Variants in ZHX2 observed in about 807,000 individuals in gnomAD.
ZHX2 encodes zinc fingers and homeoboxes protein 2.
ZHX2 carries 6 observed loss-of-function variants against 21.9 expected under a neutral mutation model. The observed-to-expected ratio is 0.27, with a 90% CI of 0.15 to 0.54. ZHX2 has a LOEUF of 0.54. Among genes scored for constraint, ZHX2 ranks in the 20% least tolerant of loss-of-function variants. The pLI, the probability that ZHX2 is intolerant of heterozygous loss-of-function variation, is 0.95. For synonymous variants in ZHX2, 434 were observed against 437.1 expected, an observed-to-expected ratio of 0.99 and a Z score of 0.09; for missense variants, 908 against 1,090.7, an observed-to-expected ratio of 0.83 and a Z score of 2.36.
At chr8:122,872,659 A>G (rs1049075385) in intron 2 of ZHX2, among the ~76,000 whole-genome samples, 3 of 152,228 alleles carry the variant, frequency 2.0e-5, no homozygotes, top group African/African-American at 4.8e-5. Flanking sequence ...CGTAGATACC[A>G]ATACTTAAGT....
chr8:122,791,464 C>G (rs2130537114), intron 1 of ZHX2, among the ~76,000 whole-genome samples: 1 of 152,276 alleles, frequency 6.6e-6, no homozygotes, highest in East Asian at 1.9e-4. Context: ...CACTTTAGTT[C>G]CCCAAAGTCC....
At chr8:122,844,698 TCTCA>T (rs1342956953) in intron 1 of ZHX2, among the ~76,000 whole-genome samples, 1 of 152,154 alleles carries the variant, frequency 6.6e-6, no homozygotes, top group Non-Finnish European at 1.5e-5. Flanking sequence ...GACTACTATT[TCTCA>T]CTGAGTCTCT....
At chr8:122,874,903 C>T (rs1431017760) in intron 2 of ZHX2, among the ~76,000 whole-genome samples, 1 of 151,456 alleles carries the variant, frequency 6.6e-6, no homozygotes, top group Admixed American at 6.6e-5. Context: ...TGCCAGACCA[C>T]CTGGGTTTAT....
chr8:122,819,726 A>G (rs1375093406), intron 1 of ZHX2, among the ~76,000 whole-genome samples: 1 of 152,234 alleles, frequency 6.6e-6, no homozygotes, highest in Non-Finnish European at 1.5e-5. Flanking sequence ...GACAAAGTTG[A>G]CGAGAGCCCA....
intron 1 of ZHX2, among the ~76,000 whole-genome samples, chr8:122,831,921 T>G (rs955061620): frequency 3.9e-5 from 6 of 152,140 alleles, no homozygotes; most frequent in African/African-American, 1.4e-4. Context: ...TGGGAGGTGG[T>G]GCCTAGCGGG....
intron 2 of ZHX2, among the ~76,000 whole-genome samples, chr8:122,899,690 G>A (rs1311109347): frequency 6.6e-6 from 1 of 152,016 alleles, no homozygotes; most frequent in Admixed American, 6.6e-5. Context: ...CAATTCCACA[G>A]TCACACCTCA....
At chr8:122,821,880 T>G (rs1818160887) in intron 1 of ZHX2, among the ~76,000 whole-genome samples, 1 of 152,088 alleles carries the variant, frequency 6.6e-6, no homozygotes, top group Admixed American at 6.6e-5. Flanking sequence ...AATTTTTGTA[T>G]TTTTAGTAGA....
chr8:122,809,597 G>A lies in ZHX2; in HGVS notation c.-283+27651G>A, dbSNP rs558205316. On this transcript the variant is annotated intron_variant, in intron 1 of 3. Transcript: ENST00000314393. ...AAAACTCACTTCTGCATAATCCCAC[G>A]CTGGTATTTAGTTATGCCCACTGTG... Among the ~76,000 whole-genome samples, 121 of 152,280 alleles carry A rather than the reference G, an allele frequency of 7.9e-4. 3 individuals carry two copies. In the South Asian group the frequency reaches 0.024, roughly 31 times the overall value.
At chr8:122,925,937 G>C (rs1281665626) in intron 2 of ZHX2, among the ~76,000 whole-genome samples, 1 of 152,120 alleles carries the variant, frequency 6.6e-6, no homozygotes, top group Non-Finnish European at 1.5e-5. Flanking sequence ...GGACAGAGTG[G>C]GGGGGCACAC....
chr8:122,926,841 G>T (rs183938034), intron 2 of ZHX2, among the ~76,000 whole-genome samples: 5 of 152,028 alleles, frequency 3.3e-5, no homozygotes, highest in African/African-American at 1.2e-4. Context: ...CTGCTGTCAC[G>T]TGGCCTTCTG....
chr8:122,916,262 C>T (rs906014136), intron 2 of ZHX2, among the ~76,000 whole-genome samples: 1 of 152,248 alleles, frequency 6.6e-6, no homozygotes, highest in Admixed American at 6.5e-5. Flanking sequence ...TCATTCCTGG[C>T]TGCATCCCTG....
intron 2 of ZHX2, among the ~76,000 whole-genome samples, chr8:122,871,954 T>C (rs144396003): frequency 1.5e-3 from 230 of 152,284 alleles, no homozygotes; most frequent in African/African-American, 5.3e-3. Context: ...GATGTGTTCC[T>C]AAGGAGGAAG....
At chr8:122,902,126 C>T (rs867050684) in intron 2 of ZHX2, among the ~76,000 whole-genome samples, 1 of 152,122 alleles carries the variant, frequency 6.6e-6, no homozygotes, top group Non-Finnish European at 1.5e-5. Flanking sequence ...TTCATGGAAT[C>T]GGAAAGTAAC....
rs150777988 is a variant in ZHX2 at position 122,845,942 on chromosome 8, C to T, written c.-282-17535C>T. Among the ~76,000 whole-genome samples, 929 of 152,310 alleles carry T rather than the reference C, an allele frequency of 6.1e-3. 7 individuals carry two copies. Among genetic ancestry groups the T allele is most frequent in the Non-Finnish European group, 0.011 (725 of 68,022 alleles). The stretch of plus-strand genomic sequence containing the variant: ...GCCTTCAAAAGTTTAAGCGGGAGAG[C>T]GCTGCGACCTGATCCACATTTTTAG... On this transcript the variant is annotated intron_variant, in intron 1 of 3. Coordinates refer to ENST00000314393, the MANE Select transcript of ZHX2 (RefSeq NM_014943.5).
chr8:122,854,537 C>T (rs1818983542), intron 1 of ZHX2, among the ~76,000 whole-genome samples: 1 of 152,066 alleles, frequency 6.6e-6, no homozygotes, highest in African/African-American at 2.4e-5. Context: ...CCTTCCAGTC[C>T]CTCGACGCCT....
At chr8:122,916,650 A>G (rs1210764860) in intron 2 of ZHX2, among the ~76,000 whole-genome samples, 1 of 152,008 alleles carries the variant, frequency 6.6e-6, no homozygotes, top group Admixed American at 6.5e-5. Context: ...CCTTTTCTTT[A>G]AAAGCCCAAG....
intron 1 of ZHX2, among the ~76,000 whole-genome samples, chr8:122,832,601 G>T (rs1045029285): frequency 2.0e-5 from 3 of 152,200 alleles, no homozygotes; most frequent in African/African-American, 7.2e-5. Flanking sequence ...AGGGTTTGAA[G>T]TCTTATGGAG....
intron 2 of ZHX2, among the ~76,000 whole-genome samples, chr8:122,903,764 G>A (rs1011703154): frequency 6.6e-6 from 1 of 152,152 alleles, no homozygotes; most frequent in Non-Finnish European, 1.5e-5. Context: ...TGAAACTGGT[G>A]TTGACACGGG....
At chr8:122,957,659 T>C (rs1813343260) in intron 3 of ZHX2, among the ~76,000 whole-genome samples, 1 of 151,894 alleles carries the variant, frequency 6.6e-6, no homozygotes, top group Non-Finnish European at 1.5e-5. Flanking sequence ...TTAGTAGAGG[T>C]GGGGTTTCAC....
Sources: allele counts gnomAD v4.1 joint callset (sites outside exome capture counted in the v4.1 genomes callset), GRCh38; gene constraint gnomAD v4.1.1; transcripts MANE v1.5; gene names NCBI Gene and HGNC (gene_info 2026-07-23, HGNC 2026-07-21).